EYS: variants seen among roughly 807,000 people sequenced by gnomAD.
EYS encodes EGF-like photoreceptor maintenance factor.
Under a neutral mutation model 282.1 loss-of-function variants are expected in EYS, and 250 were observed. The ratio of observed to expected loss-of-function variants is 0.89; its 90% CI spans 0.80 to 0.98. EYS has a LOEUF of 0.98. EYS is among the 50% of genes least tolerant of loss of function. EYS has a pLI of 0.00. For synonymous variants in EYS, 1,355 were observed against 1,282.9 expected (o/e 1.06, Z -1.20); for missense variants, 4,016 against 3,709.0 (o/e 1.08, Z -2.15).
chr6:65,268,850 A>G lies in EYS; in HGVS notation c.2023+27013T>C, dbSNP rs571593077. 3.3e-5 allele frequency among the ~76,000 whole-genome samples: 5 copies of G among 152,030 alleles called. No homozygotes were observed. The East Asian group carries it at 9.7e-4, about 29-fold the overall frequency. On this transcript the variant is annotated intron_variant, in intron 12 of 42. Transcript: ENST00000503581. Reference sequence around the variant, plus strand: ...TGCTAAGATCTCTTGATATAATTTTATTTTACATTTCTAATATCCTACTAA... The same window carrying G: ...TGCTAAGATCTCTTGATATAATTTTGTTTTACATTTCTAATATCCTACTAA...
At chr6:64,164,953 C>A (rs1473635152) in intron 31 of EYS, among the ~76,000 whole-genome samples, 2 of 152,030 alleles carry the variant, frequency 1.3e-5, no homozygotes, top group Non-Finnish European at 2.9e-5. Flanking sequence ...CTGTGTTAAG[C>A]ATTTTTGCAT....
chr6:64,021,090 A>C (rs1476050577), intron 33 of EYS, among the ~76,000 whole-genome samples: 1 of 152,116 alleles, frequency 6.6e-6, no homozygotes, highest in African/African-American at 2.4e-5. Flanking sequence ...CTTAATTGAG[A>C]AATGGTTCTC....
intron 5 of EYS, among the ~76,000 whole-genome samples, chr6:65,433,840 T>A (rs1566710): frequency 1.3e-5 from 2 of 148,198 alleles, no homozygotes; most frequent in Non-Finnish European, 3.0e-5. Context: ...ATCTTTCTTT[T>A]GGCCCAGAGG....
intron 31 of EYS, among the ~76,000 whole-genome samples, chr6:64,133,976 G>C (rs1774077452): frequency 6.6e-6 from 1 of 151,962 alleles, no homozygotes; most frequent in African/African-American, 2.4e-5. Flanking sequence ...GCTAAAGCTT[G>C]AGCCATGCAA....
intron 5 of EYS, among the ~76,000 whole-genome samples, chr6:65,443,044 A>G (rs1207064513): frequency 6.6e-6 from 1 of 150,826 alleles, no homozygotes; most frequent in South Asian, 2.1e-4. Flanking sequence ...ATACACAGAC[A>G]TACGGGAGCA....
intron 19 of EYS, among the ~76,000 whole-genome samples, chr6:64,853,697 A>G (rs1583224895): frequency 1.3e-5 from 2 of 152,306 alleles, no homozygotes; most frequent in East Asian, 3.9e-4. Context: ...GGCATGGGCA[A>G]GGACCTCATG....
At chr6:64,079,273 G>T (rs1040096160) in intron 32 of EYS, among the ~76,000 whole-genome samples, 1 of 151,940 alleles carries the variant, frequency 6.6e-6, no homozygotes, top group Non-Finnish European at 1.5e-5. Context: ...TTAAACATGG[G>T]TGCCTCTGCT....
chr6:64,781,894 T>C (rs780520916), intron 22 of EYS, among the ~76,000 whole-genome samples: 5 of 152,246 alleles, frequency 3.3e-5, no homozygotes, highest in Admixed American at 2.6e-4. Flanking sequence ...ACTCATATTA[T>C]GTTTCCTCTC....
chr6:64,600,574 C>A (rs1284520394), intron 24 of EYS, among the ~76,000 whole-genome samples: 4 of 152,198 alleles, frequency 2.6e-5, no homozygotes, highest in African/African-American at 9.6e-5. Flanking sequence ...CACACAAAAT[C>A]AGTATGTAGG....
At chr6:64,176,096 AG>A (rs1164052174) in intron 31 of EYS, among the ~76,000 whole-genome samples, 6 of 152,096 alleles carry the variant, frequency 3.9e-5, no homozygotes, top group Non-Finnish European at 5.9e-5. Flanking sequence ...GATGGCACAC[AG>A]TCCCTTGTTG....
intron 28 of EYS, among the ~76,000 whole-genome samples, chr6:64,415,632 T>C (rs747382593): frequency 1.8e-4 from 27 of 152,154 alleles, no homozygotes; most frequent in Non-Finnish European, 3.2e-4. Flanking sequence ...CTTCAGTTAC[T>C]GGGAGAAGTT....
At chr6:63,912,441 T>C (rs1451042564) in intron 35 of EYS, among the ~76,000 whole-genome samples, 2 of 152,218 alleles carry the variant, frequency 1.3e-5, no homozygotes, top group Admixed American at 6.5e-5. Context: ...AACATTATTA[T>C]TGCAACATAT....
At chr6:65,400,958 G>T (rs941235474) in intron 7 of EYS, among the ~76,000 whole-genome samples, 3 of 151,850 alleles carry the variant, frequency 2.0e-5, no homozygotes, top group African/African-American at 7.3e-5. Flanking sequence ...TCAAAGTATG[G>T]TGTCTCCAGA....
At position 64,941,252 on chromosome 6, in the gene EYS, G is replaced by C. The variant is rs375006139; in HGVS notation, c.2381+4541C>G. 5.9e-5 allele frequency among the ~76,000 whole-genome samples: 9 copies of C among 151,916 alleles called. No individual in the cohort carries two copies. The East Asian group carries it at 1.4e-3, about 23-fold the overall frequency. On this transcript the variant is annotated intron_variant, in intron 15 of 42. Coordinates refer to ENST00000503581, the MANE Select transcript of EYS (RefSeq NM_001142800.2). ...AAAAATTATCCAGGCATGGTGTCAGGCACCTGTAATCCTAGCTACTCGGAG... is the reference window on the plus strand; with the variant it reads ...AAAAATTATCCAGGCATGGTGTCAGCCACCTGTAATCCTAGCTACTCGGAG...
intron 15 of EYS, among the ~76,000 whole-genome samples, chr6:64,916,417 G>A (rs1341047073): frequency 2.0e-5 from 3 of 152,176 alleles, no homozygotes; most frequent in Admixed American, 6.5e-5. Context: ...CCAAGGCTGA[G>A]TTCTATGGAG....
intron 19 of EYS, among the ~76,000 whole-genome samples, chr6:64,872,379 C>T (rs1421051043): frequency 6.6e-6 from 1 of 151,938 alleles, no homozygotes; most frequent in East Asian, 1.9e-4. Context: ...ATTTAGCAAG[C>T]TGCCTAATAA....
intron 31 of EYS, among the ~76,000 whole-genome samples, chr6:64,162,962 C>T (rs1398882741): frequency 2.6e-5 from 4 of 151,998 alleles, no homozygotes; most frequent in Non-Finnish European, 5.9e-5. Flanking sequence ...TGTTCTGTGC[C>T]AGGCACTGTG....
intron 28 of EYS, among the ~76,000 whole-genome samples, chr6:64,390,208 C>T (rs950250497): frequency 6.6e-6 from 1 of 152,138 alleles, no homozygotes; most frequent in Non-Finnish European, 1.5e-5. Context: ...GGGGTGCCCG[C>T]CATTGCCCAG....
At chr6:65,238,556 G>A (rs1405108465) in intron 12 of EYS, among the ~76,000 whole-genome samples, 1 of 151,842 alleles carries the variant, frequency 6.6e-6, no homozygotes, top group African/African-American at 2.4e-5. Context: ...TTCTTTGTGT[G>A]TGAGAGAGGG....
Sources: gnomAD v4.1 joint callset for allele counts (sites outside exome capture counted in the v4.1 genomes callset) on GRCh38, gnomAD v4.1.1 for gene constraint, MANE v1.5 for transcripts, NCBI Gene and HGNC (gene_info 2026-07-23, HGNC 2026-07-21) for gene names.